Variants in CSMD3 observed in about 807,000 individuals in gnomAD.
CSMD3 encodes CUB and sushi domain-containing protein 3.
A neutral mutation model predicts 435.2 loss-of-function variants in CSMD3; 177 were observed. The ratio of observed to expected loss-of-function variants is 0.41; its 90% CI spans 0.36 to 0.46. The LOEUF (loss-of-function observed/expected upper bound fraction) is 0.46, where lower values mean the gene tolerates loss of function less well. Ranked by LOEUF, CSMD3 falls within the 20% of genes least tolerant of loss-of-function variation. The probability of loss-of-function intolerance (pLI) is 0.34; values close to 1 mark genes in which losing one functional copy is unlikely to be tolerated. For synonymous variants in CSMD3, 1,656 were observed against 1,520.5 expected (o/e 1.09, Z -2.07); for missense variants, 4,265 against 4,504.6 (o/e 0.95, Z 1.52).
At chr8:112,786,826 T>C (rs887404461) in intron 13 of CSMD3, among the ~76,000 whole-genome samples, 2 of 152,062 alleles carry the variant, frequency 1.3e-5, no homozygotes, top group African/African-American at 4.8e-5. Flanking sequence ...TCATGGTGGT[T>C]TGCTGCATGC....
At chr8:113,058,848 C>A (rs1043732163) in intron 5 of CSMD3, among the ~76,000 whole-genome samples, 1 of 151,784 alleles carries the variant, frequency 6.6e-6, no homozygotes, top group Non-Finnish European at 1.5e-5. Context: ...TTAAAATATT[C>A]AATGCCACCT....
At chr8:113,397,192 C>T (rs550231548) in intron 1 of CSMD3, among the ~76,000 whole-genome samples, 17 of 152,122 alleles carry the variant, frequency 1.1e-4, no homozygotes, top group African/African-American at 3.6e-4. Flanking sequence ...TTACCAATTT[C>T]GTTAAATTTT....
At chr8:112,626,821 C>G (rs574703438) in intron 22 of CSMD3, among the ~76,000 whole-genome samples, 1 of 152,234 alleles carries the variant, frequency 6.6e-6, no homozygotes, top group Non-Finnish European at 1.5e-5. Context: ...GGGATACATA[C>G]AGAATATTGA....
intron 1 of CSMD3, among the ~76,000 whole-genome samples, chr8:113,414,562 T>C (rs1318926325): frequency 1.3e-5 from 2 of 150,244 alleles, no homozygotes; most frequent in East Asian, 2.0e-4. Flanking sequence ...CTCTTTGGTG[T>C]AATAAAATTG....
chr8:112,521,830 TA>T (rs1397470126), intron 27 of CSMD3, among the ~76,000 whole-genome samples: 1 of 151,760 alleles, frequency 6.6e-6, no homozygotes, highest in East Asian at 1.9e-4. Flanking sequence ...AGTAAAAATG[TA>T]AAAAATAAGT....
At chr8:112,409,975 T>C (rs1159488579) in intron 32 of CSMD3, among the ~76,000 whole-genome samples, 1 of 151,996 alleles carries the variant, frequency 6.6e-6, no homozygotes, top group Non-Finnish European at 1.5e-5. Context: ...CTTTTATAAA[T>C]TTGAAATCAC....
chr8:112,750,633 T>C (rs1394336017), intron 13 of CSMD3, among the ~76,000 whole-genome samples: 1 of 152,104 alleles, frequency 6.6e-6, no homozygotes, highest in Non-Finnish European at 1.5e-5. Flanking sequence ...GGTCCTGGCA[T>C]GTTCATAGAA....
At chr8:113,266,070 T>C (rs1221637756) in intron 3 of CSMD3, among the ~76,000 whole-genome samples, 1 of 151,268 alleles carries the variant, frequency 6.6e-6, no homozygotes, top group East Asian at 1.9e-4. Flanking sequence ...AATCCAACTG[T>C]TTTGCCAGAA....
chr8:112,583,525 G>A (rs887372689), intron 23 of CSMD3, among the ~76,000 whole-genome samples: 1 of 151,774 alleles, frequency 6.6e-6, no homozygotes, highest in African/African-American at 2.4e-5. Flanking sequence ...CCTTAAAGCT[G>A]CAGTGTCAAG....
intron 30 of CSMD3, among the ~76,000 whole-genome samples, chr8:112,500,839 G>A (rs1338489450): frequency 2.0e-5 from 3 of 152,026 alleles, no homozygotes; most frequent in Admixed American, 6.6e-5. Flanking sequence ...CCTTCTGTTT[G>A]CCAAACCATG....
intron 3 of CSMD3, among the ~76,000 whole-genome samples, chr8:113,226,357 C>T (rs1352647018): frequency 6.6e-6 from 1 of 151,554 alleles, no homozygotes; most frequent in African/African-American, 2.4e-5. Context: ...ATTAATATGG[C>T]TACAACATGG....
chr8:112,313,818 G>T, intron 49 of CSMD3, 88 bp downstream of exon 49: 3 of 1,052,944 alleles, frequency 2.8e-6, no homozygotes, highest in Admixed American at 1.8e-5. Context: ...TTGAATTCAT[G>T]TCTAACTGAA....
At chr8:112,813,010 G>A (rs1388609277) in intron 12 of CSMD3, among the ~76,000 whole-genome samples, 2 of 152,208 alleles carry the variant, frequency 1.3e-5, no homozygotes, top group Non-Finnish European at 2.9e-5. Flanking sequence ...AAGAGAAAAT[G>A]TTGTAGAAAA....
chr8:112,710,462 G>C (rs1379209934), intron 13 of CSMD3, among the ~76,000 whole-genome samples: 1 of 152,050 alleles, frequency 6.6e-6, no homozygotes, highest in African/African-American at 2.4e-5. Context: ...CTTTTGTGGA[G>C]AGGCTTTCTG....
intron 59 of CSMD3, among the ~76,000 whole-genome samples, chr8:112,275,828 A>G (rs1194033803): frequency 1.3e-5 from 2 of 152,206 alleles, no homozygotes; most frequent in African/African-American, 4.8e-5. Flanking sequence ...TTACAATTAA[A>G]GATGAGATTT....
intron 3 of CSMD3, among the ~76,000 whole-genome samples, chr8:113,251,543 TAA>T (rs61363922): frequency 1.3e-5 from 2 of 151,222 alleles, no homozygotes; most frequent in Admixed American, 6.6e-5. Flanking sequence ...TCACTAAAAG[TAA>T]AAAAAAAATC....
At chr8:113,062,942 G>A (rs909263176) in intron 5 of CSMD3, among the ~76,000 whole-genome samples, 2 of 151,624 alleles carry the variant, frequency 1.3e-5, no homozygotes, top group African/African-American at 4.8e-5. Flanking sequence ...AAATATAAAA[G>A]GAGTTATGCT....
rs2130637835 is a variant in CSMD3 at position 112,287,254 on chromosome 8, G to A, written c.9149-8C>T. 1 of 1,613,170 alleles carries A rather than the reference G, an allele frequency of 6.2e-7. No individual in the cohort carries two copies. Among genetic ancestry groups the A allele is most frequent in the South Asian group, 1.1e-5 (1 of 91,072 alleles). On this transcript the variant is annotated splice_polypyrimidine_tract_variant and splice_region_variant and intron_variant, in intron 57 of 70. Transcript: ENST00000297405. ...ATGTCCCAGTAGCATCACCTGCAAT[G>A]CAGTACAGTTCAAGTTAACCAATTC...
At chr8:112,659,753 A>G (rs1158902745) in intron 17 of CSMD3, among the ~76,000 whole-genome samples, 1 of 152,152 alleles carries the variant, frequency 6.6e-6, no homozygotes, top group Non-Finnish European at 1.5e-5. Flanking sequence ...AAGAAGAGGT[A>G]AATGGTTTTA....
Sources: gnomAD v4.1 joint callset for allele counts (sites outside exome capture counted in the v4.1 genomes callset) on GRCh38, gnomAD v4.1.1 for gene constraint, MANE v1.5 for transcripts, NCBI Gene and HGNC (gene_info 2026-07-23, HGNC 2026-07-21) for gene names.